The following LVRN variants were observed in gnomAD, a reference collection of about 807,000 sequenced individuals.
LVRN encodes the protein aminopeptidase Q.
A neutral mutation model predicts 111.4 loss-of-function variants in LVRN; 99 were observed. The ratio of observed to expected loss-of-function variants is 0.89; its 90% confidence interval spans 0.76 to 1.05. The LOEUF is 1.05. Among genes scored for constraint, LVRN ranks in the 50% least tolerant of loss-of-function variants. LVRN has a pLI of 0.00. For missense variants in LVRN, 1,414 were observed against 1,206.8 expected, an observed-to-expected ratio of 1.17 and a Z score of -2.54; for synonymous variants, 488 against 449.5, an observed-to-expected ratio of 1.09 and a Z score of -1.08.
Position 115,989,884 on chromosome 5 carries a change from C to T in LVRN, c.1105+1945C>T, listed in dbSNP as rs137898876. 7.4e-3 allele frequency among the ~76,000 whole-genome samples: 1,120 copies of T among 152,180 alleles called. 43 individuals carry two copies. Among genetic ancestry groups the T allele is most frequent in the Admixed American group, 0.061 (931 of 15,280 alleles). On this transcript the variant is annotated intron_variant, in intron 4 of 19. Transcript: ENST00000357872. ...AAAGATAACTAATGTTTCTTAATTG[C>T]TTTAACTCTTTGCTGAGTCACAAAC... is the stretch of plus-strand genomic sequence containing the variant.
At chr5:115,990,795 C>T (rs1399217046) in intron 4 of LVRN, among the ~76,000 whole-genome samples, 2 of 152,232 alleles carry the variant, frequency 1.3e-5, no homozygotes, top group East Asian at 3.9e-4. Context: ...TGGTCTTGAA[C>T]TCCTGATCTC....
rs1748572828 is a variant in LVRN, at chr5:116,015,170, T to G, written c.2451-82T>G. 10 of 908,162 alleles carry G rather than the reference T, an allele frequency of 1.1e-5. No homozygotes were observed. In the South Asian group the frequency reaches 3.7e-4, roughly 34 times the overall value. 56.3% of individuals were successfully genotyped at this position (908,162 alleles called of 1,614,324 possible). ...TATATCTGTGACTATAAATATTTTT[T>G]CTAGATTCATACTTCTAAAATATGA... On this transcript the variant is annotated intron_variant, in intron 16 of 19. Coordinates refer to ENST00000357872, the MANE Select transcript of LVRN (RefSeq NM_173800.5).
rs184514642 is a variant in LVRN, at chr5:116,025,426, A to G, written c.2833-552A>G. 1.8e-3 allele frequency among the ~76,000 whole-genome samples: 279 copies of G among 152,318 alleles called. 1 individual carries two copies. Among genetic ancestry groups the G allele is most frequent in the Admixed American group, 4.5e-3 (69 of 15,290 alleles). The stretch of plus-strand genomic sequence containing the variant: ...TTATTTATATTTTGGAATATAACTT[A>G]TTATTCACTTGGAGTCTGACTTATA... On this transcript the variant is annotated intron_variant, in intron 19 of 19. Coordinates refer to ENST00000357872, the MANE Select transcript of LVRN (RefSeq NM_173800.5).
intron 13 of LVRN, among the ~76,000 whole-genome samples, chr5:116,007,558 T>C (rs929660327): frequency 2.0e-5 from 3 of 152,238 alleles, no homozygotes; most frequent in African/African-American, 7.2e-5. Context: ...TGCTACTTTG[T>C]AGTATTCACT....
At chr5:115,983,037 C>T (rs1036999989) in intron 1 of LVRN, among the ~76,000 whole-genome samples, 30 of 152,036 alleles carry the variant, frequency 2.0e-4, no homozygotes, top group Admixed American at 6.6e-4. Context: ...TAAAGGTTTA[C>T]GATGTAATAA....
At chr5:116,004,574 G>A (rs1748315723) in intron 12 of LVRN, among the ~76,000 whole-genome samples, 1 of 152,152 alleles carries the variant, frequency 6.6e-6, no homozygotes, top group South Asian at 2.1e-4. Context: ...TTTGCCAGAT[G>A]TATGGCACAT....
At chr5:115,991,722 T>A (rs1747991599) in intron 4 of LVRN, among the ~76,000 whole-genome samples, 1 of 152,244 alleles carries the variant, frequency 6.6e-6, no homozygotes, top group African/African-American at 2.4e-5. Context: ...TGTGGTAATA[T>A]CTCATTGTTT....
intron 1 of LVRN, among the ~76,000 whole-genome samples, chr5:115,969,708 A>C (rs1301021712): frequency 2.0e-5 from 3 of 151,744 alleles, no homozygotes; most frequent in Non-Finnish European, 4.4e-5. Context: ...GCTGAGGCAG[A>C]AGAATCGCTT....
At chr5:115,983,837 A>G (rs952378689) in intron 2 of LVRN, among the ~76,000 whole-genome samples, 3 of 152,214 alleles carry the variant, frequency 2.0e-5, no homozygotes, top group Non-Finnish European at 4.4e-5. Flanking sequence ...ATAAAAATTT[A>G]AATGTGAAAA....
chr5:116,008,760 G>A (rs955520842), intron 13 of LVRN, among the ~76,000 whole-genome samples: 1 of 152,188 alleles, frequency 6.6e-6, no homozygotes, highest in East Asian at 1.9e-4. Context: ...TAAGAGAGGT[G>A]AGGAAGGTGC....
At chr5:115,997,703 A>C (rs956861885) in intron 6 of LVRN, among the ~76,000 whole-genome samples, 2 of 152,160 alleles carry the variant, frequency 1.3e-5, no homozygotes, top group Non-Finnish European at 2.9e-5. Context: ...TCTCTGACAT[A>C]TTGCAGCTTG....
chr5:115,993,722 T>G lies in LVRN; in HGVS notation c.1261-19T>G. 6.6e-7 allele frequency: 1 copy of G among 1,508,174 alleles called. No individual in the cohort carries two copies. Among genetic ancestry groups the G allele is most frequent in the Non-Finnish European group, 9.1e-7 (1 of 1,096,908 alleles). 93.4% of individuals were successfully genotyped at this position (1,508,174 alleles called of 1,614,324 possible). On this transcript the variant is annotated intron_variant, in intron 5 of 19. Transcript: ENST00000357872. ...AATTAAATTTAAGAAAGCTCTTTTT[T>G]TCTTCTCATTTCCAAAAGTGGTTTG...
intron 8 of LVRN, 40 bp downstream of exon 8, chr5:116,000,538 C>T: frequency 1.2e-6 from 2 of 1,612,266 alleles, no homozygotes; most frequent in Non-Finnish European, 1.7e-6. Context: ...TGGCAGTAAA[C>T]ATAAATTCCA....
At chr5:115,996,594 A>C (rs993644693) in intron 6 of LVRN, among the ~76,000 whole-genome samples, 5 of 152,320 alleles carry the variant, frequency 3.3e-5, no homozygotes, top group South Asian at 4.1e-4. Flanking sequence ...ACCCTTATGC[A>C]GAAACAGATT....
At chr5:115,964,129 G>C (rs78068385) in intron 1 of LVRN, among the ~76,000 whole-genome samples, 1,788 of 152,270 alleles carry the variant, frequency 0.012, 37 homozygotes, top group African/African-American at 0.033. Flanking sequence ...ACTGTCCTCC[G>C]GCGAACTCCA....
intron 1 of LVRN, among the ~76,000 whole-genome samples, chr5:115,970,850 C>G (rs564042636): frequency 1.3e-5 from 2 of 152,184 alleles, no homozygotes; most frequent in Non-Finnish European, 2.9e-5. Flanking sequence ...ATATACAAGT[C>G]TTTTTATCAA....
chr5:116,014,320 T>TA, intron 15 of LVRN, 100 bp from the exon 16 acceptor site: 1 of 838,562 alleles, frequency 1.2e-6, no homozygotes, highest in South Asian at 1.7e-5. Context: ...AAAGGATATT[T>TA]AAAAATACCC....
chr5:116,014,379 T>C (rs1225927240), intron 15 of LVRN, 41 bp from the exon 16 acceptor site: 1 of 1,371,436 alleles, frequency 7.3e-7, no homozygotes, highest in East Asian at 2.3e-5. Context: ...ATGAAGGTGG[T>C]AATGCAAAAT....
chr5:116,023,066 C>T lies in LVRN; in HGVS notation c.2832+600C>T, dbSNP rs139440259. ...GAACACTCCTCATTCCTGTTCCTGG[C>T]TGGATAATTCCTAATCATCCTTTAA... On this transcript the variant is annotated intron_variant, in intron 19 of 19. Transcript: ENST00000357872. Among the ~76,000 whole-genome samples, 5 of 152,370 alleles carry T rather than the reference C, an allele frequency of 3.3e-5. No homozygotes were observed. In the East Asian group the frequency reaches 9.6e-4, roughly 29 times the overall value.
Sources: allele counts gnomAD v4.1 joint callset (sites outside exome capture counted in the v4.1 genomes callset), GRCh38; gene constraint gnomAD v4.1.1; transcripts MANE v1.5; gene names NCBI Gene and HGNC (gene_info 2026-07-23, HGNC 2026-07-21).